Variants in MDN1 observed in about 807,000 individuals in gnomAD.
MDN1 encodes the protein midasin.
MDN1 carries 266 observed loss-of-function variants against 669.2 expected under a neutral mutation model. The observed-to-expected ratio is 0.40, with a 90% CI of 0.36 to 0.44. MDN1 has a LOEUF of 0.44. Ranked by LOEUF, MDN1 falls within the 20% of genes least tolerant of loss-of-function variation. The pLI is 1.00. For missense variants in MDN1, 5,940 were observed against 6,754.0 expected, an observed-to-expected ratio of 0.88 and a Z score of 4.22; for synonymous variants, 2,385 against 2,457.1, an observed-to-expected ratio of 0.97 and a Z score of 0.87.
intron 17 of MDN1, among the ~76,000 whole-genome samples, chr6:89,759,539 G>T (rs1037449989): frequency 6.6e-6 from 1 of 152,114 alleles, no homozygotes; most frequent in African/African-American, 2.4e-5. Flanking sequence ...TGAGGTGGGC[G>T]GATCACTGGA....
rs771705928 is a variant in MDN1, at chr6:89,661,410, CTT to C, written c.14713+19_14713+20del. On this transcript the variant is annotated intron_variant, in intron 88 of 101. Transcript: ENST00000369393. ...CACTAATGTGAGTTCTAACCGGTCT[CTT>C]TGTTTCTGAAAGACGCACCTTCTCC... The C allele has an allele frequency of 5.6e-6, 9 of 1,607,824 alleles. No homozygotes were observed. The highest frequency in any genetic ancestry group is 3.4e-5 in the Admixed American group (2 of 58,552).
intron 1 of MDN1, among the ~76,000 whole-genome samples, chr6:89,809,609 C>T (rs1768244640): frequency 6.6e-6 from 1 of 151,786 alleles, no homozygotes; most frequent in African/African-American, 2.4e-5. Context: ...AACCCCATCT[C>T]TACTAAAGGC....
chr6:89,817,208 C>T (rs1266483853), intron 1 of MDN1, among the ~76,000 whole-genome samples: 1 of 152,194 alleles, frequency 6.6e-6, no homozygotes, highest in African/African-American at 2.4e-5. Context: ...AGCCCGACCA[C>T]CTTGGGCACA....
rs755205200 is a variant in MDN1 at position 89,794,124 on chromosome 6, T to G, written c.638A>C (p.Asp213Ala). The change falls in exon 4 of 102, where the codon GAT (aspartate) becomes GCT (alanine). Residue 213 changes from aspartate to alanine, a missense_variant. This residue lies in a region of MDN1 where 1,203 missense variants were observed against 1,268.9 expected (regional missense o/e 0.95). Coordinates refer to ENST00000369393, the MANE Select transcript of MDN1 (RefSeq NM_014611.3). ...CCTCAACCTGAAATGGATCAATTCA[T>G]CACTATTAAATATCTTCTTAAGAAA... ...LSFLKKIFNSDELIHFRLRLL... is the reference protein window; with the variant it reads ...LSFLKKIFNSAELIHFRLRLL... The G allele has an allele frequency of 8.2e-6, 13 of 1,594,044 alleles. No homozygotes were observed. Among genetic ancestry groups the G allele is most frequent in the Non-Finnish European group, 1.1e-5 (13 of 1,171,680 alleles).
intron 2 of MDN1, among the ~76,000 whole-genome samples, chr6:89,798,172 ACT>A (rs1344263755): frequency 1.7e-5 from 2 of 121,170 alleles, no homozygotes; most frequent in African/African-American, 3.3e-5. Flanking sequence ...ACAGAGCGAG[ACT>A]CTGTCTCAAA....
intron 67 of MDN1, among the ~76,000 whole-genome samples, 174 bp downstream of exon 67, chr6:89,687,904 C>A (rs1259195411): frequency 6.6e-6 from 1 of 152,202 alleles, no homozygotes; most frequent in Non-Finnish European, 1.5e-5. Flanking sequence ...CTAGCCCTCA[C>A]CACAGGGGCA....
intron 1 of MDN1, among the ~76,000 whole-genome samples, chr6:89,807,341 C>T (rs998960771): frequency 6.6e-6 from 1 of 152,190 alleles, no homozygotes; most frequent in Non-Finnish European, 1.5e-5. Context: ...CCTACCTAAG[C>T]CCCCAAAGTG....
At chr6:89,741,226 T>A (rs1409295118) in intron 31 of MDN1, among the ~76,000 whole-genome samples, 1 of 152,182 alleles carries the variant, frequency 6.6e-6, no homozygotes, top group Non-Finnish European at 1.5e-5. Flanking sequence ...AGCAGGATGC[T>A]GTCTCAAAAC....
Position 89,683,875 on chromosome 6 carries a change from A to T in MDN1, c.11859T>A (p.Asp3953Glu). The change falls in exon 72 of 102, where the codon GAT becomes GAA. Residue 3953 changes from aspartate to glutamate, a missense_variant. Asp to Glu is a conservative substitution (Grantham distance 45). Transcript: ENST00000369393. ...KEFVKISKWN[D>E]VSFWSIKQSV... ...ATTGCTTAATGGACCAGAAGCTGAC[A>T]TCATTCCACTTGGAAATCTTAACAA... 1 of 1,613,626 alleles carries T rather than the reference A, an allele frequency of 6.2e-7. No homozygotes were observed. Among genetic ancestry groups the T allele is most frequent in the Non-Finnish European group, 8.5e-7 (1 of 1,179,672 alleles).
rs530133517 is a variant in MDN1, at chr6:89,694,383, A to G, written c.9772-200T>C. Among the ~76,000 whole-genome samples the G allele has an allele frequency of 3.9e-5, 6 of 152,238 alleles. No homozygotes were observed. The South Asian group carries it at 1.2e-3, about 32-fold the overall frequency. On this transcript the variant is annotated intron_variant, in intron 61 of 101. Coordinates refer to ENST00000369393, the MANE Select transcript of MDN1 (RefSeq NM_014611.3). ...GGAAAGAAACGATCTTATTTACACCACTGAATTTTTTAGTCTCTCTGCTAT... is the reference window on the plus strand; with the variant it reads ...GGAAAGAAACGATCTTATTTACACCGCTGAATTTTTTAGTCTCTCTGCTAT...
rs369534624 is a variant in MDN1, at chr6:89,718,802, T to C, written c.6286A>G (p.Met2096Val). Residue 2096 changes from methionine to valine, a missense_variant, in exon 42 of 102, where the codon ATG becomes GTG. Transcript: ENST00000369393. ...CCACCCAGCAGCTCAGTAGTATCCATTGCACTGTTCATAGCCATGATCTTT... is the reference window on the plus strand; with the variant it reads ...CCACCCAGCAGCTCAGTAGTATCCACTGCACTGTTCATAGCCATGATCTTT... ...TLKIMAMNSA[M>V]DTTELLGGFE... The C allele has an allele frequency of 9.3e-6, 15 of 1,614,238 alleles. No individual in the cohort carries two copies. The highest frequency in any genetic ancestry group is 1.6e-4 in the Middle Eastern group (1 of 6,062).
At chr6:89,803,215 C>T in intron 2 of MDN1, 113 bp downstream of exon 2, 1 of 881,618 alleles carries the variant, frequency 1.1e-6, no homozygotes, top group South Asian at 1.5e-5. Flanking sequence ...CTATTTATCT[C>T]TCTCCTTTCT....
At chr6:89,724,600 A>T (rs1256173983) in intron 38 of MDN1, among the ~76,000 whole-genome samples, 1 of 152,218 alleles carries the variant, frequency 6.6e-6, no homozygotes, top group Non-Finnish European at 1.5e-5. Context: ...CATTCTTAAA[A>T]GATACTCAGC....
At chr6:89,813,067 A>G (rs1402290401) in intron 1 of MDN1, among the ~76,000 whole-genome samples, 1 of 151,886 alleles carries the variant, frequency 6.6e-6, no homozygotes, top group East Asian at 2.0e-4. Context: ...CAGCCTCCCC[A>G]GTAGCTGGGA....
chr6:89,736,009 T>G (rs562674336), intron 33 of MDN1, among the ~76,000 whole-genome samples: 1 of 152,220 alleles, frequency 6.6e-6, no homozygotes, highest in Non-Finnish European at 1.5e-5. Context: ...AAAAAATAAA[T>G]AAATTCATCA....
chr6:89,811,515 T>A (rs1363922010), intron 1 of MDN1, among the ~76,000 whole-genome samples: 1 of 152,014 alleles, frequency 6.6e-6, no homozygotes, highest in Non-Finnish European at 1.5e-5. Flanking sequence ...CGGCTCACTG[T>A]GACCTCCGCG....
chr6:89,709,441 C>T (rs1217965851), intron 50 of MDN1, among the ~76,000 whole-genome samples: 10 of 152,130 alleles, frequency 6.6e-5, no homozygotes, highest in Admixed American at 5.9e-4. Context: ...AGAGGACAAG[C>T]GATGCCTGCT....
At position 89,754,132 on chromosome 6, in the gene MDN1, C is replaced by T. The variant is rs761957306; in HGVS notation, c.2915G>A (p.Arg972Gln). ...YSLRTLCRAL[R>Q]FAASNPCGNI... ...GCCACATGGATTGGAGGCTGCAAAT[C>T]GCAGGGCCCGGCACAGAGTCCGAAG... Residue 972 changes from arginine (R) to glutamine (Q), a missense_variant, in exon 21 of 102, where the codon CGA (arginine) becomes CAA (glutamine). Physicochemically the swap from Arg to Gln is conservative, Grantham distance 43. Around this residue, in one of 5 missense-constraint regions of MDN1, gnomAD observed 1,203 missense variants for 1,268.9 expected, o/e 0.95. Coordinates refer to ENST00000369393, the MANE Select transcript of MDN1 (RefSeq NM_014611.3). 1.9e-5 allele frequency: 31 copies of T among 1,613,968 alleles called. No homozygotes were observed. The highest frequency in any genetic ancestry group is 2.5e-5 in the Non-Finnish European group (29 of 1,180,000).
intron 16 of MDN1, 82 bp downstream of exon 16, chr6:89,762,237 C>T (rs1817582422): frequency 8.3e-7 from 1 of 1,201,834 alleles, no homozygotes; most frequent in South Asian, 1.4e-5. Flanking sequence ...ATTTGTATCG[C>T]TTTACTCTTC....
Sources: gnomAD v4.1 joint callset for allele counts (sites outside exome capture counted in the v4.1 genomes callset) on GRCh38, gnomAD v4.1.1 for gene constraint, gnomAD v4.1.1 regional missense constraint, MANE v1.5 for transcripts, NCBI Gene and HGNC (gene_info 2026-07-23, HGNC 2026-07-21) for gene names.